The following QTGAL variants were observed in gnomAD, a reference collection of about 807,000 sequenced individuals.
QTGAL encodes the protein BGnT-like protein 1.
the QTGAL span, among the ~76,000 whole-genome samples, chr17:83,020,819 G>A: frequency 6.6e-6 from 1 of 152,236 alleles, no homozygotes; most frequent in African/African-American, 2.4e-5. Context: ...GACGGGGACT[G>A]GAGAACACCC....
chr17:82,957,473 G>T, the QTGAL span: 12 of 1,607,344 alleles, frequency 7.5e-6, no homozygotes, highest in Non-Finnish European at 9.3e-6. Flanking sequence ...GGAAGCGGAC[G>T]CGGTGGGTCC....
chr17:82,960,353 G>C, the QTGAL span: 1 of 152,276 alleles, frequency 6.6e-6, no homozygotes, highest in South Asian at 2.1e-4. Flanking sequence ...CGGGGGCCCT[G>C]AGTACCCGTA....
the QTGAL span, chr17:82,942,401 G>A: frequency 4.3e-6 from 7 of 1,613,646 alleles, no homozygotes; most frequent in East Asian, 1.1e-4. Flanking sequence ...GCTGGGAATG[G>A]TGTGTGTTGG....
chr17:83,044,740 T>C, the QTGAL span, among the ~76,000 whole-genome samples: 1 of 152,190 alleles, frequency 6.6e-6, no homozygotes, highest in Non-Finnish European at 1.5e-5. Flanking sequence ...GGTCAGGAGT[T>C]TGAGACCAGC....
the QTGAL span, among the ~76,000 whole-genome samples, chr17:82,983,047 G>A: frequency 5.6e-4 from 86 of 152,302 alleles, 1 homozygote; most frequent in African/African-American, 1.3e-3. Flanking sequence ...TCGGGAGGCC[G>A]AGGCAGATGG....
chr17:82,965,808 A>G, the QTGAL span: 1 of 1,463,788 alleles, frequency 6.8e-7, no homozygotes, highest in Non-Finnish European at 9.4e-7. Context: ...AACAACCTGC[A>G]GTTTATTTCC....
At chr17:82,961,881 C>T in the QTGAL span, among the ~76,000 whole-genome samples, 1 of 152,246 alleles carries the variant, frequency 6.6e-6, no homozygotes, top group East Asian at 1.9e-4. Flanking sequence ...GGCCCCTGCC[C>T]TCTGCTTGCT....
the QTGAL span, among the ~76,000 whole-genome samples, chr17:82,971,694 C>T: frequency 1.1e-4 from 2 of 18,038 alleles, no homozygotes; most frequent in African/African-American, 3.2e-4. Flanking sequence ...CACCACACCA[C>T]ACCACAGGGG....
the QTGAL span, among the ~76,000 whole-genome samples, chr17:83,020,781 G>A: frequency 6.6e-6 from 1 of 152,254 alleles, no homozygotes; most frequent in East Asian, 1.9e-4. Context: ...AGGGCTGGAA[G>A]GAAACACGGG....
chr17:82,946,898 G>T, the QTGAL span: 2 of 1,560,956 alleles, frequency 1.3e-6, no homozygotes, highest in Non-Finnish European at 1.7e-6. Flanking sequence ...GCTGCCATGG[G>T]TCCGTCAGCT....
chr17:82,974,785 G>A, the QTGAL span, among the ~76,000 whole-genome samples: 1 of 152,240 alleles, frequency 6.6e-6, no homozygotes, highest in Non-Finnish European at 1.5e-5. Context: ...AACAGCGGCA[G>A]GAGGCACAGG....
the QTGAL span, among the ~76,000 whole-genome samples, chr17:82,997,929 AAAT>A: frequency 1.1e-4 from 13 of 123,350 alleles, no homozygotes; most frequent in African/African-American, 4.1e-4. Context: ...TTAAAAAAAA[AAAT>A]ATATATATAT....
chr17:82,977,249 C>T, the QTGAL span, among the ~76,000 whole-genome samples: 3 of 152,340 alleles, frequency 2.0e-5, no homozygotes, highest in South Asian at 2.1e-4. Context: ...TCGGAACCTG[C>T]GTGAATAAGG....
chr17:83,012,782 C>T, the QTGAL span, among the ~76,000 whole-genome samples: 2 of 152,134 alleles, frequency 1.3e-5, no homozygotes, highest in Admixed American at 1.3e-4. Flanking sequence ...GACATTTTCC[C>T]CCATTTTCCC....
chr17:82,970,598 G>GCGACCTCCGCACACA, the QTGAL span, among the ~76,000 whole-genome samples: 104 of 72,612 alleles, frequency 1.4e-3, 17 homozygotes, highest in African/African-American at 5.7e-3. Flanking sequence ...CTCCGCACCC[G>GCGACCTCCGCACACA]GCGTGGCCGC....
At chr17:83,025,136 CTG>C in the QTGAL span, among the ~76,000 whole-genome samples, 2 of 151,912 alleles carry the variant, frequency 1.3e-5, no homozygotes, top group East Asian at 1.9e-4. Flanking sequence ...CACATAGAAA[CTG>C]TGAAGTCCAC....
chr17:83,027,699 CAAAAAAAAAAAAAAAAA>C, the QTGAL span, among the ~76,000 whole-genome samples: 1 of 31,520 alleles, frequency 3.2e-5, no homozygotes, highest in African/African-American at 9.8e-5. Context: ...GAGACGCTCT[CAAAAAAAAAAAAAAAAA>C]AAAAAAAAGC....
chr17:82,957,242 G>A, the QTGAL span: 12 of 1,614,060 alleles, frequency 7.4e-6, no homozygotes, highest in African/African-American at 1.3e-5. Context: ...GTCACAGAAT[G>A]CCACCACCTG....
chr17:82,951,441 T>C, the QTGAL span, among the ~76,000 whole-genome samples: 1 of 152,340 alleles, frequency 6.6e-6, no homozygotes, highest in East Asian at 1.9e-4. Context: ...GGGACCTCGC[T>C]CTGTATTAGG....
Sources: gnomAD v4.1 joint callset for allele counts (sites outside exome capture counted in the v4.1 genomes callset) on GRCh38, gnomAD v4.1.1 for gene constraint, MANE v1.5 for transcripts, NCBI Gene and HGNC (gene_info 2026-07-23, HGNC 2026-07-21) for gene names.